The following MAGOH variants were observed in gnomAD, a reference collection of about 807,000 sequenced individuals.
MAGOH encodes mago homolog, exon junction complex subunit.
MAGOH carries 3 observed loss-of-function variants against 20.9 expected under a neutral mutation model. That is an observed-to-expected ratio of 0.14 (90% CI 0.07 to 0.37). MAGOH has a LOEUF of 0.37. Ranked by LOEUF, MAGOH falls within the 10% of genes least tolerant of loss-of-function variation. The pLI is 1.00. For synonymous variants in MAGOH, 51 were observed against 61.0 expected (o/e 0.84, Z 0.76); for missense variants, 66 against 178.1 (o/e 0.37, Z 3.58).
intron 3 of MAGOH, among the ~76,000 whole-genome samples, chr1:53,230,736 G>A (rs1480004283): frequency 6.6e-6 from 1 of 152,034 alleles, no homozygotes; most frequent in Non-Finnish European, 1.5e-5. Flanking sequence ...ACTGCACCTG[G>A]CCTAGACGTG....
intron 1 of MAGOH, among the ~76,000 whole-genome samples, chr1:53,236,591 C>T (rs1645611442): frequency 6.6e-6 from 1 of 152,234 alleles, no homozygotes. Context: ...CGTCTCCTAA[C>T]CAATTCCTCA....
In MAGOH at chr1:53,226,996, CA is replaced by C; in HGVS notation, c.*48del. ...TAAAAAAATACTGCCCTGATATACA[CA>C]AAATTTTCTACTCCCACCCACCCCC... On this transcript the variant is annotated 3_prime_UTR_variant, in exon 5 of 5. Transcript: ENST00000371470. The C allele has an allele frequency of 2.0e-6, 2 of 998,044 alleles. No individual in the cohort carries two copies. Among genetic ancestry groups the C allele is most frequent in the East Asian group, 2.6e-5 (1 of 38,768 alleles). The allele number at this position is 998,044 out of a possible 1,614,324, so 61.8% of individuals were successfully genotyped here. A position where few individuals can be genotyped will look rare whatever the true frequency, so the allele number is the denominator to read the frequency against.
intron 1 of MAGOH, 139 bp downstream of exon 1, chr1:53,238,222 G>C (rs889330042): frequency 8.5e-6 from 6 of 706,684 alleles, no homozygotes; most frequent in Non-Finnish European, 7.5e-6. Context: ...AGACACAGTG[G>C]CGTTCCTTTA....
At position 53,226,971 on chromosome 1, in the gene MAGOH, T is replaced by TA; in HGVS notation, c.*73dup. On this transcript the variant is annotated 3_prime_UTR_variant, in exon 5 of 5. Coordinates refer to ENST00000371470, the MANE Select transcript of MAGOH (RefSeq NM_002370.4). The stretch of plus-strand genomic sequence containing the variant: ...ATTAAAGACAATCATTTATAGTTCA[T>TA]AAAAAAATACTGCCCTGATATACAC... The TA allele has an allele frequency of 4.1e-6, 3 of 730,580 alleles. No individual in the cohort carries two copies. The highest frequency in any genetic ancestry group is 2.9e-5 in the East Asian group (1 of 34,018). The allele number at this position is 730,580 out of a possible 1,614,324, so 45.3% of individuals were successfully genotyped here.
chr1:53,234,262 T>C (rs1287483070), intron 2 of MAGOH, among the ~76,000 whole-genome samples: 2 of 152,146 alleles, frequency 1.3e-5, no homozygotes, highest in African/African-American at 4.8e-5. Context: ...TCTTGGACTT[T>C]CCAGCCTCCA....
At chr1:53,228,598 T>A (rs1645571779) in intron 4 of MAGOH, among the ~76,000 whole-genome samples, 2 of 152,216 alleles carry the variant, frequency 1.3e-5, no homozygotes, top group African/African-American at 4.8e-5. Context: ...TTTTGGCATA[T>A]TCCATTTTTT....
intron 1 of MAGOH, among the ~76,000 whole-genome samples, chr1:53,236,685 T>G (rs956625675): frequency 6.6e-6 from 1 of 152,192 alleles, no homozygotes; most frequent in Admixed American, 6.5e-5. Context: ...GCTGCGAGCC[T>G]CCTCTGTTTC....
intron 3 of MAGOH, among the ~76,000 whole-genome samples, chr1:53,230,846 C>A (rs1040988947): frequency 5.9e-5 from 9 of 152,210 alleles, no homozygotes; most frequent in Admixed American, 2.0e-4. Flanking sequence ...TTGAGTTACA[C>A]AGATCTAGCT....
At chr1:53,233,450 G>T in intron 3 of MAGOH, 92 bp downstream of exon 3, 2 of 789,624 alleles carry the variant, frequency 2.5e-6, no homozygotes, top group Non-Finnish European at 4.3e-6. Context: ...GTTAGTAAGT[G>T]AGATAGGCAA....
At chr1:53,234,391 T>TG (rs1645601506) in intron 2 of MAGOH, among the ~76,000 whole-genome samples, 1 of 150,126 alleles carries the variant, frequency 6.7e-6, no homozygotes, top group African/African-American at 2.5e-5. Flanking sequence ...TTTTTTTTTT[T>TG]GAAACGGAGC....
At chr1:53,227,560 GAC>G (rs1393728444) in intron 4 of MAGOH, among the ~76,000 whole-genome samples, 1 of 152,022 alleles carries the variant, frequency 6.6e-6, no homozygotes, top group Non-Finnish European at 1.5e-5. Flanking sequence ...TGTTTTTTGA[GAC>G]AGAGTTTTGC....
chr1:53,231,865 T>C (rs1355610097), intron 3 of MAGOH, among the ~76,000 whole-genome samples: 1 of 152,234 alleles, frequency 6.6e-6, no homozygotes, highest in Non-Finnish European at 1.5e-5. Context: ...TGTTGAAAAC[T>C]GACATCTTTA....
At position 53,235,645 on chromosome 1, in the gene MAGOH, CA is replaced by C. The variant is rs774833482; in HGVS notation, c.89-11del. The C allele has an allele frequency of 6.2e-7, 1 of 1,608,958 alleles. No individual in the cohort carries two copies. Among genetic ancestry groups the C allele is most frequent in the Admixed American group, 1.7e-5 (1 of 59,404 alleles). On this transcript the variant is annotated splice_polypyrimidine_tract_variant and intron_variant, in intron 1 of 4. Transcript: ENST00000371470. ...GCATATCTTAACTTCCCTGTGGGGG[CA>C]AAAAACAATTTCAACGTATAATAAA...
rs768577043 is a variant in MAGOH, at chr1:53,233,545, C to T, written c.255G>A (p.Arg85=). 9.9e-6 allele frequency: 16 copies of T among 1,610,484 alleles called. No homozygotes were observed. In the Admixed American group the frequency reaches 2.0e-4, roughly 20 times the overall value. The change falls in exon 3 of 5, where the codon CGG becomes CGA. Residue 85 remains arginine (R), a synonymous_variant. Transcript: ENST00000371470. ...ALWPPPDRVG[R]QELEIVIGDE... is the part of the protein sequence containing the mutation. ...CAGGATAATCAATAAAACACACCTG[C>T]CGGCCCACTCGGTCAGGAGGAGGCC...
At chr1:53,236,667 C>G (rs183527193) in intron 1 of MAGOH, among the ~76,000 whole-genome samples, 88 of 152,302 alleles carry the variant, frequency 5.8e-4, no homozygotes, top group African/African-American at 1.9e-3. Context: ...TTAGGTGCAC[C>G]CTTCTCTGCT....
At chr1:53,233,400 C>A (rs1433078410) in intron 3 of MAGOH, 142 bp downstream of exon 3, 2 of 561,962 alleles carry the variant, frequency 3.6e-6, no homozygotes, top group Non-Finnish European at 3.2e-6. Context: ...TAATTATGTT[C>A]TATTTCTCTT....
chr1:53,228,800 A>C (rs1645572690), intron 4 of MAGOH, 72 bp downstream of exon 4: 2 of 1,164,050 alleles, frequency 1.7e-6, no homozygotes, highest in Non-Finnish European at 2.6e-6. Flanking sequence ...TAATGGTCCC[A>C]ATTTGGTTAA....
At chr1:53,232,450 A>G (rs1434252792) in intron 3 of MAGOH, among the ~76,000 whole-genome samples, 1 of 152,228 alleles carries the variant, frequency 6.6e-6, no homozygotes, top group African/African-American at 2.4e-5. Context: ...GCAAAAAGAA[A>G]AAAAAACACA....
chr1:53,236,785 C>T (rs1645612484), intron 1 of MAGOH, among the ~76,000 whole-genome samples: 1 of 152,220 alleles, frequency 6.6e-6, no homozygotes, highest in East Asian at 1.9e-4. Context: ...ATCTTTGTGC[C>T]CCACTTAGTG....
Sources: gnomAD v4.1 joint callset for allele counts (sites outside exome capture counted in the v4.1 genomes callset) on GRCh38, gnomAD v4.1.1 for gene constraint, MANE v1.5 for transcripts, NCBI Gene and HGNC (gene_info 2026-07-23, HGNC 2026-07-21) for gene names.